UBE4B: variants seen among roughly 807,000 people sequenced by gnomAD.
UBE4B encodes ubiquitination factor E4B, also known as ubiquitin conjugation factor E4 B.
Under a neutral mutation model 148.1 loss-of-function variants are expected in UBE4B, and 27 were observed. That is an observed-to-expected ratio of 0.18 (90% CI 0.13 to 0.25). The LOEUF (loss-of-function observed/expected upper bound fraction) is 0.25, where lower values mean the gene tolerates loss of function less well. Among genes scored for constraint, UBE4B ranks in the 10% least tolerant of loss-of-function variants. The pLI is 1.00. For synonymous variants in UBE4B, 596 were observed against 619.3 expected (o/e 0.96, Z 0.56); for missense variants, 1,170 against 1,662.4 (o/e 0.70, Z 5.15).
chr1:10,165,166 A>C (rs983942642), intron 23 of UBE4B, among the ~76,000 whole-genome samples: 3 of 152,116 alleles, frequency 2.0e-5, no homozygotes, highest in African/African-American at 7.2e-5. Flanking sequence ...TCTCAAACTC[A>C]CTGTGTCCAA....
chr1:10,035,965 C>T (rs1309779352), intron 1 of UBE4B, among the ~76,000 whole-genome samples: 1 of 151,408 alleles, frequency 6.6e-6, no homozygotes, highest in East Asian at 1.9e-4. Context: ...AGGATGGTCT[C>T]AATCTCCTGA....
intron 17 of UBE4B, among the ~76,000 whole-genome samples, chr1:10,141,883 C>T (rs910059609): frequency 2.0e-5 from 3 of 152,144 alleles, no homozygotes; most frequent in Admixed American, 2.0e-4. Context: ...GGGTCCCAGT[C>T]TTTGCCTTAA....
At chr1:10,044,817 A>C (rs1437896018) in intron 1 of UBE4B, among the ~76,000 whole-genome samples, 1 of 152,034 alleles carries the variant, frequency 6.6e-6, no homozygotes, top group Non-Finnish European at 1.5e-5. Flanking sequence ...TCCTGAGCTC[A>C]AGCAGTCCAC....
In UBE4B at chr1:10,161,697, G is replaced by C. The variant is rs2102010520; in HGVS notation, c.3198+411G>C. 6.6e-6 allele frequency among the ~76,000 whole-genome samples: 1 copy of C among 152,240 alleles called. No homozygotes were observed. Among genetic ancestry groups the C allele is most frequent in the South Asian group, 2.1e-4 (1 of 4,822 alleles). On this transcript the variant is annotated intron_variant, in intron 23 of 27. Transcript: ENST00000343090. The surrounding 1 kb of genome is among the most constrained non-coding windows in gnomAD (Gnocchi z 4.1). ...GTGAATCACTCAGGATCCTGGCGGGGTGTTTTTTCCCTTTCAGTTGATCTT... is the reference window on the plus strand; with the variant it reads ...GTGAATCACTCAGGATCCTGGCGGGCTGTTTTTTCCCTTTCAGTTGATCTT...
intron 2 of UBE4B, among the ~76,000 whole-genome samples, chr1:10,094,780 G>T (rs1310882376): frequency 6.6e-6 from 1 of 151,472 alleles, no homozygotes; most frequent in African/African-American, 2.4e-5. Context: ...TTTTCTATAG[G>T]TTTATTAATA....
chr1:10,068,381 G>C (rs1644425607), intron 1 of UBE4B, among the ~76,000 whole-genome samples: 2 of 147,772 alleles, frequency 1.4e-5, no homozygotes, highest in African/African-American at 5.0e-5. Flanking sequence ...CAGGAGTCTC[G>C]CTCTGTTGCC....
chr1:10,100,370 A>C (rs776981560), intron 3 of UBE4B, among the ~76,000 whole-genome samples: 8 of 151,966 alleles, frequency 5.3e-5, no homozygotes, highest in Non-Finnish European at 1.0e-4. Flanking sequence ...AGGCTGGGAT[A>C]CAGTGGTTAT....
intron 1 of UBE4B, among the ~76,000 whole-genome samples, chr1:10,046,323 G>A (rs1037184164): frequency 6.6e-6 from 1 of 152,114 alleles, no homozygotes; most frequent in South Asian, 2.1e-4. Context: ...CCCTTCTCCC[G>A]AGGGAGACAA....
intron 18 of UBE4B, 182 bp downstream of exon 18, chr1:10,145,221 T>G: frequency 2.1e-6 from 1 of 468,776 alleles, no homozygotes. Flanking sequence ...ATATAATGAT[T>G]TCAGTCTCAG....
Position 10,145,077 on chromosome 1 carries a change from CAT to C in UBE4B, c.2463+40_2463+41del, listed in dbSNP as rs751334763. On this transcript the variant is annotated intron_variant, in intron 18 of 27. Transcript: ENST00000343090. ...AAGTGGAATAATTATAGACCAGCCT[CAT>C]AGTGATAATTTTCCCAACAGAATAT... The C allele has an allele frequency of 3.3e-6, 5 of 1,525,340 alleles. 1 individual carries two copies. In the South Asian group the frequency reaches 5.8e-5, roughly 18 times the overall value. The allele number at this position is 1,525,340 out of a possible 1,614,324, so 94.5% of individuals were successfully genotyped here. A position where few individuals can be genotyped will look rare whatever the true frequency, so the allele number is the denominator to read the frequency against.
At chr1:10,108,148 T>G (rs1260785769) in intron 7 of UBE4B, among the ~76,000 whole-genome samples, 2 of 148,988 alleles carry the variant, frequency 1.3e-5, no homozygotes, top group East Asian at 2.0e-4. Context: ...TTGGGGGAGG[T>G]GTGTGTGTGT....
At chr1:10,097,865 A>T (rs1222216199) in intron 3 of UBE4B, among the ~76,000 whole-genome samples, 1 of 152,028 alleles carries the variant, frequency 6.6e-6, no homozygotes, top group African/African-American at 2.4e-5. Flanking sequence ...CCATTTCCTC[A>T]AGCATTTGTC....
At chr1:10,065,857 TAA>T (rs1644376978) in intron 1 of UBE4B, among the ~76,000 whole-genome samples, 1 of 152,208 alleles carries the variant, frequency 6.6e-6, no homozygotes, top group Non-Finnish European at 1.5e-5. Flanking sequence ...CATTATAATG[TAA>T]ATCTACATCC....
intron 2 of UBE4B, among the ~76,000 whole-genome samples, chr1:10,073,970 C>T (rs1162301745): frequency 1.4e-5 from 2 of 146,864 alleles, no homozygotes; most frequent in Non-Finnish European, 3.0e-5. Context: ...CTGGGTTGCC[C>T]AGGCTGGAGC....
intron 1 of UBE4B, among the ~76,000 whole-genome samples, chr1:10,049,291 A>T (rs1442731433): frequency 6.6e-6 from 1 of 152,202 alleles, no homozygotes; most frequent in Admixed American, 6.5e-5. Flanking sequence ...CTCAGGCTGC[A>T]GCTGGGGACA....
At chr1:10,087,385 C>T (rs866881843) in intron 2 of UBE4B, among the ~76,000 whole-genome samples, 9 of 152,192 alleles carry the variant, frequency 5.9e-5, no homozygotes, top group Middle Eastern at 3.4e-3. Flanking sequence ...ATCCAGTCTC[C>T]CCTAATGTTA....
At chr1:10,121,756 G>C (rs894080822) in intron 9 of UBE4B, among the ~76,000 whole-genome samples, 4 of 152,118 alleles carry the variant, frequency 2.6e-5, no homozygotes, top group Non-Finnish European at 4.4e-5. Flanking sequence ...TGAATTCTTT[G>C]AAAATTCCCA....
chr1:10,140,584 G>C (rs1424218211), intron 17 of UBE4B, among the ~76,000 whole-genome samples: 1 of 152,106 alleles, frequency 6.6e-6, no homozygotes, highest in African/African-American at 2.4e-5. Context: ...TCCTCCGATG[G>C]ATTACCTCCT....
intron 7 of UBE4B, among the ~76,000 whole-genome samples, chr1:10,116,902 T>G (rs1645319850): frequency 6.6e-6 from 1 of 152,214 alleles, no homozygotes; most frequent in Non-Finnish European, 1.5e-5. Flanking sequence ...ACTTTACCTT[T>G]TTCACTGATA....
Sources: allele counts gnomAD v4.1 joint callset (sites outside exome capture counted in the v4.1 genomes callset), GRCh38; gene constraint gnomAD v4.1.1; non-coding constraint Gnocchi (gnomAD v3.1); transcripts MANE v1.5; gene names NCBI Gene and HGNC (gene_info 2026-07-23, HGNC 2026-07-21).